The following GALNT17 variants were observed in gnomAD, a reference collection of about 807,000 sequenced individuals.
The protein encoded by GALNT17 is UDP-GalNAc:polypeptide N-acetylgalactosaminyltransferase-like 3.
Under a neutral mutation model 63.7 loss-of-function variants are expected in GALNT17, and 29 were observed. The ratio of observed to expected loss-of-function variants is 0.46; its 90% CI spans 0.34 to 0.62. The LOEUF is 0.62. GALNT17 is among the 20% of genes least tolerant of loss of function. GALNT17 has a pLI of 0.01. For missense variants in GALNT17, 603 were observed against 799.6 expected, an observed-to-expected ratio of 0.75 and a Z score of 2.97; for synonymous variants, 305 against 318.3, an observed-to-expected ratio of 0.96 and a Z score of 0.45.
intron 6 of GALNT17, among the ~76,000 whole-genome samples, chr7:71,584,792 CAG>C (rs1480163289): frequency 6.6e-6 from 1 of 151,940 alleles, no homozygotes; most frequent in Non-Finnish European, 1.5e-5. Context: ...TATTTTGAGA[CAG>C]AGTCTCGCGA....
intron 1 of GALNT17, among the ~76,000 whole-genome samples, chr7:71,207,610 T>A (rs1202534096): frequency 1.3e-5 from 2 of 152,148 alleles, no homozygotes; most frequent in Admixed American, 6.6e-5. Flanking sequence ...CCACGTGGAC[T>A]GCCTGAGCAA....
At position 71,158,797 on chromosome 7, in the gene GALNT17, A is replaced by C. The variant is rs930661877; in HGVS notation, c.238+25757A>C. The stretch of plus-strand genomic sequence containing the variant: ...TCACCGTGTTAGCCAGGATGGTCTC[A>C]ATCTCCTGACCTCGTGGTCCACCCA... On this transcript the variant is annotated intron_variant, in intron 1 of 10. Coordinates refer to ENST00000333538, the MANE Select transcript of GALNT17 (RefSeq NM_022479.3). 4.2e-4 allele frequency among the ~76,000 whole-genome samples: 64 copies of C among 151,276 alleles called. 3 individuals are homozygous for C. The highest frequency in any genetic ancestry group is 1.6e-3 in the African/African-American group (64 of 41,008).
At chr7:71,242,210 A>G (rs963635754) in intron 1 of GALNT17, among the ~76,000 whole-genome samples, 1 of 143,078 alleles carries the variant, frequency 7.0e-6, no homozygotes, top group African/African-American at 2.6e-5. Context: ...AACACCTTCC[A>G]CTTGGCCCAC....
chr7:71,183,359 A>C (rs1032062787), intron 1 of GALNT17, among the ~76,000 whole-genome samples: 2 of 152,090 alleles, frequency 1.3e-5, no homozygotes, highest in Non-Finnish European at 2.9e-5. Flanking sequence ...CTGGTGTGCT[A>C]TTTGGACACA....
intron 1 of GALNT17, among the ~76,000 whole-genome samples, chr7:71,183,876 G>A (rs1324126830): frequency 1.3e-5 from 2 of 151,776 alleles, no homozygotes; most frequent in Admixed American, 6.6e-5. Flanking sequence ...GGCAACAAGA[G>A]CAAGACTCCA....
chr7:71,201,566 A>AT (rs1014944304), intron 1 of GALNT17, among the ~76,000 whole-genome samples: 1 of 143,534 alleles, frequency 7.0e-6, no homozygotes, highest in African/African-American at 2.6e-5. Flanking sequence ...GTTTTTCTCC[A>AT]TTTTTTTTGG....
chr7:71,566,789 G>T (rs1789355619), intron 5 of GALNT17, among the ~76,000 whole-genome samples: 1 of 151,724 alleles, frequency 6.6e-6, no homozygotes, highest in Non-Finnish European at 1.5e-5. Flanking sequence ...AGGACCGATT[G>T]CAAAGACACA....
At chr7:71,457,117 A>G (rs1787368853) in intron 5 of GALNT17, among the ~76,000 whole-genome samples, 2 of 152,218 alleles carry the variant, frequency 1.3e-5, no homozygotes, top group Admixed American at 6.5e-5. Context: ...AGGTGAGCAG[A>G]GGGATGACTT....
At chr7:71,260,042 G>T (rs553315324) in intron 1 of GALNT17, among the ~76,000 whole-genome samples, 2 of 152,094 alleles carry the variant, frequency 1.3e-5, no homozygotes, top group Admixed American at 6.6e-5. Flanking sequence ...TCAAATATTT[G>T]CAGGAATTTT....
chr7:71,150,287 T>C (rs554280721), intron 1 of GALNT17, among the ~76,000 whole-genome samples: 3 of 152,156 alleles, frequency 2.0e-5, no homozygotes, highest in Admixed American at 1.3e-4. Context: ...ACTACCGTGG[T>C]CTCTAGTTAG....
At chr7:71,195,896 C>G (rs1039094747) in intron 1 of GALNT17, among the ~76,000 whole-genome samples, 77 of 151,974 alleles carry the variant, frequency 5.1e-4, no homozygotes, top group Non-Finnish European at 9.6e-4. Context: ...AATCTATAAG[C>G]CAATGTTTCT....
chr7:71,567,936 G>A (rs902068007), intron 5 of GALNT17, among the ~76,000 whole-genome samples: 3 of 152,170 alleles, frequency 2.0e-5, no homozygotes, highest in Non-Finnish European at 4.4e-5. Flanking sequence ...GCTTTCCATG[G>A]AATCAGAAAC....
intron 1 of GALNT17, among the ~76,000 whole-genome samples, chr7:71,250,251 T>G (rs1246048157): frequency 6.6e-6 from 1 of 152,160 alleles, no homozygotes; most frequent in Non-Finnish European, 1.5e-5. Flanking sequence ...CATAGGCTCT[T>G]GAGGGATATC....
At chr7:71,499,098 G>A (rs1788138896) in intron 5 of GALNT17, among the ~76,000 whole-genome samples, 2 of 135,622 alleles carry the variant, frequency 1.5e-5, no homozygotes, top group East Asian at 3.1e-4. Context: ...ACAGGACAGC[G>A]AAGCATTTTT....
chr7:71,526,168 T>C (rs969005606), intron 5 of GALNT17, among the ~76,000 whole-genome samples: 1 of 152,354 alleles, frequency 6.6e-6, no homozygotes, highest in South Asian at 2.1e-4. Flanking sequence ...TTCTCACTTA[T>C]CTTTCTTCAT....
intron 5 of GALNT17, among the ~76,000 whole-genome samples, chr7:71,464,845 A>G (rs1356285193): frequency 2.2e-4 from 33 of 149,352 alleles, no homozygotes; most frequent in Admixed American, 2.2e-3. Flanking sequence ...AATACACATT[A>G]GTTCCAGAGT....
intron 3 of GALNT17, among the ~76,000 whole-genome samples, chr7:71,399,940 C>T (rs935250912): frequency 6.6e-6 from 1 of 151,986 alleles, no homozygotes; most frequent in Non-Finnish European, 1.5e-5. Context: ...CTCCTTATCC[C>T]TTTTTTATTG....
intron 5 of GALNT17, among the ~76,000 whole-genome samples, chr7:71,556,426 A>T (rs1052727833): frequency 6.6e-6 from 1 of 152,190 alleles, no homozygotes; most frequent in African/African-American, 2.4e-5. Flanking sequence ...GACACTGCAG[A>T]TCCAGCCAAC....
At chr7:71,707,328 G>A (rs2117125217) in intron 9 of GALNT17, among the ~76,000 whole-genome samples, 1 of 152,294 alleles carries the variant, frequency 6.6e-6, no homozygotes, top group South Asian at 2.1e-4. Context: ...CCTCTCAGGA[G>A]TGTGAAAGAT....
Sources: gnomAD v4.1 joint callset for allele counts (sites outside exome capture counted in the v4.1 genomes callset) on GRCh38, gnomAD v4.1.1 for gene constraint, MANE v1.5 for transcripts, NCBI Gene and HGNC (gene_info 2026-07-23, HGNC 2026-07-21) for gene names.